The following GARRE1 variants were observed in gnomAD, a reference collection of about 807,000 sequenced individuals.
The protein encoded by GARRE1 is granule associated Rac and RHOG effector 1.
GARRE1 carries 49 observed loss-of-function variants against 103.2 expected under a neutral mutation model. The observed-to-expected ratio is 0.47, with a 90% CI of 0.38 to 0.60. The LOEUF is 0.60. GARRE1 is among the 20% of genes least tolerant of loss of function. GARRE1 has a pLI of 0.00. For missense variants in GARRE1, 1,199 were observed against 1,370.5 expected, an observed-to-expected ratio of 0.87 and a Z score of 1.98; for synonymous variants, 505 against 532.8, an observed-to-expected ratio of 0.95 and a Z score of 0.72.
Position 34,347,889 on chromosome 19 carries a change from C to G in GARRE1, c.2534C>G (p.Pro845Arg). 1 of 1,562,162 alleles carries G rather than the reference C, an allele frequency of 6.4e-7. No individual in the cohort carries two copies. The highest frequency in any genetic ancestry group is 1.2e-5 in the South Asian group (1 of 85,450). Residue 845 changes from proline to arginine, a missense_variant, in exon 11 of 14, where the codon CCA becomes CGA. Physicochemically the swap from Pro to Arg is moderately radical, Grantham distance 103. Transcript: ENST00000299505. ...TGTCCCAATGCAGTGGGCTCAGACC[C>G]AGAGTTTGCACGCTATGTGGCAGGA... ...LPFDPAVGSD[P>R]EFARYVAGVS... is the part of the protein sequence containing the mutation.
intron 12 of GARRE1, 132 bp from the exon 13 acceptor site, chr19:34,351,382 T>C: frequency 1.5e-6 from 1 of 684,950 alleles, no homozygotes; most frequent in South Asian, 1.7e-5. Flanking sequence ...TTTATGCCAT[T>C]GACCCAGGCA....
At chr19:34,324,618 A>G (rs573495736) in intron 3 of GARRE1, among the ~76,000 whole-genome samples, 2 of 151,556 alleles carry the variant, frequency 1.3e-5, no homozygotes, top group South Asian at 4.2e-4. Flanking sequence ...CCTCCTGAGT[A>G]GCTCAGACTA....
chr19:34,300,409 G>T lies in GARRE1; in HGVS notation c.-65G>T, dbSNP rs2073970895. On this transcript the variant is annotated 5_prime_UTR_variant, in exon 2 of 14. Coordinates refer to ENST00000299505, the MANE Select transcript of GARRE1 (RefSeq NM_014686.5). ...TCCACTATTTTTATACCTAGCTACA[G>T]TTTTGAGAAAGAAGAATCAGAACCC... 1 of 1,500,064 alleles carries T rather than the reference G, an allele frequency of 6.7e-7. No homozygotes were observed. Among genetic ancestry groups the T allele is most frequent in the Admixed American group, 2.3e-5 (1 of 43,630 alleles). 92.9% of individuals were successfully genotyped at this position (1,500,064 alleles called of 1,614,324 possible). A position where few individuals can be genotyped will look rare whatever the true frequency, so the allele number is the denominator to read the frequency against.
Position 34,353,183 on chromosome 19 carries a change from C to T in GARRE1, c.*228C>T, listed in dbSNP as rs780883865. ...CTGGAGAGCCAGCTGGAGACACAGG[C>T]GTCTGGCCTTCAGGGGCTTGCTAGG... On this transcript the variant is annotated 3_prime_UTR_variant, in exon 14 of 14. Coordinates refer to ENST00000299505, the MANE Select transcript of GARRE1 (RefSeq NM_014686.5). 56 of 511,024 alleles carry T rather than the reference C, an allele frequency of 1.1e-4. No individual in the cohort carries two copies. The highest frequency in any genetic ancestry group is 5.0e-4 in the Middle Eastern group (1 of 2,018). 31.7% of individuals were successfully genotyped at this position (511,024 alleles called of 1,614,324 possible).
At position 34,327,779 on chromosome 19, in the gene GARRE1, G is replaced by A. The variant is rs569532752; in HGVS notation, c.855G>A (p.Lys285=). 8.1e-6 allele frequency: 13 copies of A among 1,612,746 alleles called. No homozygotes were observed. In the East Asian group the frequency reaches 2.9e-4, roughly 36 times the overall value. The part of the protein sequence containing the change: ...IKIDSALQAY[K]IALESLGHCE... ...AAATAATTTATTTCCAGGCATATAA[G>A]ATAGCTCTGGAAAGCTTAGGACACT... The change falls in exon 5 of 14, where the codon AAG becomes AAA. Residue 285 remains lysine, a synonymous_variant. Coordinates refer to ENST00000299505, the MANE Select transcript of GARRE1 (RefSeq NM_014686.5).
In GARRE1 at chr19:34,348,009, G is replaced by C; in HGVS notation, c.2654G>C (p.Arg885Pro). 1 of 1,524,970 alleles carries C rather than the reference G, an allele frequency of 6.6e-7. No individual in the cohort carries two copies. The highest frequency in any genetic ancestry group is 1.4e-5 in the African/African-American group (1 of 71,590). The allele number at this position is 1,524,970 out of a possible 1,614,324, so 94.5% of individuals were successfully genotyped here. A position where few individuals can be genotyped will look rare whatever the true frequency, so the allele number is the denominator to read the frequency against. ...TGGCCGCCTATGGATGACGCGCATCGGACCTGGCCCTTCCCCGAGTTCTTC... is the reference window on the plus strand; with the variant it reads ...TGGCCGCCTATGGATGACGCGCATCCGACCTGGCCCTTCCCCGAGTTCTTC... The part of the protein sequence containing the change: ...GNWPPMDDAH[R>P]TWPFPEFFTE... Residue 885 changes from arginine to proline, a missense_variant, in exon 11 of 14, where the codon CGG (arginine) becomes CCG (proline). By Grantham distance (103) the Arg-to-Pro change is moderately radical. Transcript: ENST00000299505.
At chr19:34,268,206 A>C (rs1220135529) in intron 1 of GARRE1, among the ~76,000 whole-genome samples, 1 of 152,162 alleles carries the variant, frequency 6.6e-6, no homozygotes, top group African/African-American at 2.4e-5. Flanking sequence ...TTGATGCAGA[A>C]ATTTTTAATG....
intron 1 of GARRE1, among the ~76,000 whole-genome samples, chr19:34,284,771 A>G (rs2073876289): frequency 6.6e-6 from 1 of 152,256 alleles, no homozygotes; most frequent in African/African-American, 2.4e-5. Flanking sequence ...TTAAGAAAAT[A>G]CGGAAAAGAA....
At position 34,352,697 on chromosome 19, in the gene GARRE1, C is replaced by T; in HGVS notation, c.2955C>T (p.Ser985=). 1 of 1,613,786 alleles carries T rather than the reference C, an allele frequency of 6.2e-7. No individual in the cohort carries two copies. Among genetic ancestry groups the T allele is most frequent in the South Asian group, 1.1e-5 (1 of 91,064 alleles). Residue 985 remains serine, a synonymous_variant, in exon 14 of 14, where the codon TCC becomes TCT. Transcript: ENST00000299505. ...WPPKAPWQHP[S]PLPSTLPSPS... is the part of the protein sequence containing the mutation. Reference sequence around the variant, plus strand: ...CCAAAGCACCCTGGCAGCACCCTTCCCCGCTTCCCAGCACGCTGCCCAGCC... The same window carrying T: ...CCAAAGCACCCTGGCAGCACCCTTCTCCGCTTCCCAGCACGCTGCCCAGCC...
chr19:34,346,993 G>A (rs977760146), intron 10 of GARRE1, among the ~76,000 whole-genome samples: 3 of 151,708 alleles, frequency 2.0e-5, no homozygotes, highest in African/African-American at 7.3e-5. Context: ...GCGCAATCTT[G>A]GCTCACTGCA....
At chr19:34,266,061 G>A (rs971371695) in intron 1 of GARRE1, among the ~76,000 whole-genome samples, 7 of 152,130 alleles carry the variant, frequency 4.6e-5, no homozygotes, top group African/African-American at 1.7e-4. Flanking sequence ...CCTTATTAAC[G>A]GTAAGCTCCT....
Position 34,342,122 on chromosome 19 carries a change from C to G in GARRE1, c.2188C>G (p.Gln730Glu), listed in dbSNP as rs754145631. The change falls in exon 10 of 14, where the codon CAA (glutamine) becomes GAA (glutamate). Residue 730 changes from glutamine to glutamate, a missense_variant. Transcript: ENST00000299505. The stretch of plus-strand genomic sequence containing the variant: ...GCAGTCCCCAAAGCAGCAACAACCT[C>G]AAGTCCAATACTACCAACACCTACT... Reference protein sequence around the residue: ...QQQSPKQQQPQVQYYQHLLQP... With the variant: ...QQQSPKQQQPEVQYYQHLLQP... 23 of 1,614,170 alleles carry G rather than the reference C, an allele frequency of 1.4e-5. No homozygotes were observed. The highest frequency in any genetic ancestry group is 1.4e-5 in the Non-Finnish European group (17 of 1,180,022).
chr19:34,273,423 C>T (rs2073799494), intron 1 of GARRE1, among the ~76,000 whole-genome samples: 1 of 152,106 alleles, frequency 6.6e-6, no homozygotes, highest in Non-Finnish European at 1.5e-5. Flanking sequence ...TTAAGCAGAA[C>T]CTTATTTCTA....
intron 1 of GARRE1, among the ~76,000 whole-genome samples, chr19:34,288,930 G>C (rs893185956): frequency 6.6e-6 from 1 of 152,078 alleles, no homozygotes; most frequent in Non-Finnish European, 1.5e-5. Flanking sequence ...CCAGGAGTTC[G>C]AGACCAGCCT....
intron 1 of GARRE1, among the ~76,000 whole-genome samples, chr19:34,257,142 G>C (rs2073678261): frequency 7.0e-6 from 1 of 142,038 alleles, no homozygotes; most frequent in East Asian, 2.0e-4. Flanking sequence ...ATGTTTGGAA[G>C]ACCATGTTTT....
intron 2 of GARRE1, among the ~76,000 whole-genome samples, chr19:34,302,514 G>A (rs867845779): frequency 1.3e-5 from 2 of 151,194 alleles, no homozygotes; most frequent in African/African-American, 2.4e-5. Context: ...GGCCGGTCTC[G>A]AACTCCTAAC....
rs772182883 is a variant in GARRE1, at chr19:34,320,038, C to A, written c.627C>A (p.Gly209=). 1.9e-6 allele frequency: 3 copies of A among 1,614,230 alleles called. No individual in the cohort carries two copies. Among genetic ancestry groups the A allele is most frequent in the Non-Finnish European group, 2.5e-6 (3 of 1,180,046 alleles). Residue 209 remains glycine (G), a synonymous_variant, in exon 3 of 14, where the codon GGC becomes GGA. Coordinates refer to ENST00000299505, the MANE Select transcript of GARRE1 (RefSeq NM_014686.5). The part of the protein sequence containing the change: ...EVIVPEKKNS[G]SGGGLSGMGH... ...TCGTGCCAGAAAAAAAGAACAGCGG[C>A]AGTGGCGGCGGCTTATCTGGCATGG... is the stretch of plus-strand genomic sequence containing the variant.
intron 6 of GARRE1, among the ~76,000 whole-genome samples, chr19:34,328,870 A>C (rs1487619863): frequency 6.6e-6 from 1 of 152,172 alleles, no homozygotes; most frequent in Non-Finnish European, 1.5e-5. Flanking sequence ...GGCCTCCAAA[A>C]GTCCTGGGAT....
rs1466183792 is a variant in GARRE1 at position 34,330,363 on chromosome 19, T to C, written c.1263+16T>C. ...GGCTGGACTGGTGAGTGAGCGTGGGTGGTGGATGATAGGTAGAATACCAAG... is the reference window on the plus strand; with the variant it reads ...GGCTGGACTGGTGAGTGAGCGTGGGCGGTGGATGATAGGTAGAATACCAAG... On this transcript the variant is annotated intron_variant, in intron 7 of 13. Coordinates refer to ENST00000299505, the MANE Select transcript of GARRE1 (RefSeq NM_014686.5). The C allele has an allele frequency of 3.1e-6, 5 of 1,613,156 alleles. No homozygotes were observed. The highest frequency in any genetic ancestry group is 3.3e-5 in the Admixed American group (2 of 59,950).
Sources: allele counts gnomAD v4.1 joint callset (sites outside exome capture counted in the v4.1 genomes callset), GRCh38; gene constraint gnomAD v4.1.1; transcripts MANE v1.5; gene names NCBI Gene and HGNC (gene_info 2026-07-23, HGNC 2026-07-21).